ANAPC5: variants seen among roughly 807,000 people sequenced by gnomAD.
ANAPC5 encodes the protein anaphase-promoting complex subunit 5.
A neutral mutation model predicts 91.3 loss-of-function variants in ANAPC5; 60 were observed. That is an observed-to-expected ratio of 0.66 (90% CI 0.53 to 0.81). The LOEUF is 0.81. Among genes scored for constraint, ANAPC5 ranks in the 40% least tolerant of loss-of-function variants. ANAPC5 has a pLI of 0.00. For synonymous variants in ANAPC5, 340 were observed against 364.1 expected, an observed-to-expected ratio of 0.93 and a Z score of 0.75; for missense variants, 690 against 931.5, an observed-to-expected ratio of 0.74 and a Z score of 3.37.
At chr12:121,336,461 T>A (rs1376152208) in intron 6 of ANAPC5, among the ~76,000 whole-genome samples, 7 of 151,982 alleles carry the variant, frequency 4.6e-5, no homozygotes, top group Non-Finnish European at 1.0e-4. Flanking sequence ...GTGGATCACC[T>A]GAGGTCAGGA....
chr12:121,309,071 C>G (rs1025831848), intron 16 of ANAPC5, among the ~76,000 whole-genome samples: 2 of 150,026 alleles, frequency 1.3e-5, no homozygotes, highest in African/African-American at 5.0e-5. Context: ...GTCACTTGAA[C>G]CCGGGAGGCA....
chr12:121,328,812 C>A (rs767869691), intron 9 of ANAPC5: 4 of 244,430 alleles, frequency 1.6e-5, no homozygotes, highest in Non-Finnish European at 3.2e-5. Flanking sequence ...CTTAGCTAAG[C>A]CTCAGCTTCC....
chr12:121,346,431 G>A lies in ANAPC5; in HGVS notation c.398-400C>T, dbSNP rs111753112. ...AGGAAGAGAGAGAGAAATAGCTCAC[G>A]CTGAATAACATAAAAATTACCATGC... On this transcript the variant is annotated intron_variant, in intron 3 of 16. Coordinates refer to ENST00000261819, the MANE Select transcript of ANAPC5 (RefSeq NM_016237.5). 1,404 of 180,684 alleles carry A rather than the reference G, an allele frequency of 7.8e-3. 20 individuals are homozygous for A. Among genetic ancestry groups the A allele is most frequent in the African/African-American group, 0.029 (1,257 of 42,694 alleles). 11.2% of individuals were successfully genotyped at this position (180,684 alleles called of 1,614,324 possible).
chr12:121,331,472 C>T, intron 7 of ANAPC5, 44 bp from the exon 8 acceptor site: 1 of 1,509,494 alleles, frequency 6.6e-7, no homozygotes, highest in South Asian at 1.1e-5. Context: ...TAATCACAAA[C>T]ATGCATAAGC....
upstream of ANAPC5, among the ~76,000 whole-genome samples, chr12:121,354,026 T>C (rs1903998111): frequency 6.8e-6 from 1 of 147,870 alleles, no homozygotes; most frequent in Admixed American, 6.9e-5. Context: ...TCTTGCTCTG[T>C]CGCCCAGTCT....
chr12:121,308,947 G>A (rs540019117), intron 16 of ANAPC5, among the ~76,000 whole-genome samples: 2 of 151,872 alleles, frequency 1.3e-5, no homozygotes, highest in African/African-American at 2.4e-5. Context: ...TCAGGAGTTC[G>A]ACGCCAGCCT....
chr12:121,318,535 A>G lies in ANAPC5; in HGVS notation c.1711T>C (p.Cys571Arg), dbSNP rs1902463031. ...ATTTCTGTGTTCTTCAGTTTCTGAC[A>G]ATGAACCAACAATTTTTGTAAAAGC... ...HKLLQKLLVH[C>R]QKLKNTEMVI... The change falls in exon 14 of 17, where the codon TGT becomes CGT. Residue 571 changes from cysteine (C) to arginine (R), a missense_variant. By Grantham distance (180) the Cys-to-Arg change is radical (BLOSUM62 -3). Coordinates refer to ENST00000261819, the MANE Select transcript of ANAPC5 (RefSeq NM_016237.5). The G allele has an allele frequency of 1.2e-6, 2 of 1,614,086 alleles. No individual in the cohort carries two copies. The highest frequency in any genetic ancestry group is 1.7e-6 in the Non-Finnish European group (2 of 1,180,038).
At chr12:121,329,361 T>C (rs1464131142) in intron 9 of ANAPC5, among the ~76,000 whole-genome samples, 1 of 151,898 alleles carries the variant, frequency 6.6e-6, no homozygotes, top group Non-Finnish European at 1.5e-5. Flanking sequence ...ACCATAACGG[T>C]CAGGCTGGTC....
At chr12:121,325,586 G>T (rs956773506) in intron 11 of ANAPC5, among the ~76,000 whole-genome samples, 1 of 151,976 alleles carries the variant, frequency 6.6e-6, no homozygotes, top group Non-Finnish European at 1.5e-5. Flanking sequence ...AAATAATTTC[G>T]CCAGGCATGG....
At chr12:121,337,842 G>A (rs1555273673) in intron 5 of ANAPC5, among the ~76,000 whole-genome samples, 1 of 151,998 alleles carries the variant, frequency 6.6e-6, no homozygotes, top group Non-Finnish European at 1.5e-5. Context: ...CCCCACCCCA[G>A]ACTGTAAGCT....
intron 7 of ANAPC5, chr12:121,334,048 G>A (rs1004007573): frequency 2.0e-5 from 3 of 152,182 alleles, no homozygotes; most frequent in African/African-American, 7.2e-5. Flanking sequence ...GGCCAAGGTG[G>A]GAGGATTGCT....
At chr12:121,330,547 T>C (rs1903005416) in intron 9 of ANAPC5, 36 bp downstream of exon 9, 2 of 1,577,714 alleles carry the variant, frequency 1.3e-6, no homozygotes, top group Admixed American at 1.7e-5. Flanking sequence ...GGCTCGACCA[T>C]TTATGGAAAC....
rs190340300 is a variant in ANAPC5 at position 121,335,758 on chromosome 12, T to C, written c.760-35A>G. On this transcript the variant is annotated intron_variant, in intron 6 of 16. Coordinates refer to ENST00000261819, the MANE Select transcript of ANAPC5 (RefSeq NM_016237.5). ...GAAATAATCAATGTATTTTAAACGC[T>C]GTAAATATCTCTGGTGTAAGACAAC... is the stretch of plus-strand genomic sequence containing the variant. 1.5e-4 allele frequency: 227 copies of C among 1,547,396 alleles called. No individual in the cohort carries two copies. The African/African-American group carries it at 2.9e-3, about 20-fold the overall frequency.
intron 3 of ANAPC5, chr12:121,346,309 T>G (rs1367886999): frequency 6.8e-6 from 2 of 292,844 alleles, no homozygotes; most frequent in Non-Finnish European, 1.3e-5. Context: ...GAAATGATAT[T>G]TATGTGTTTA....
At chr12:121,351,204 C>A (rs1429535954) in intron 1 of ANAPC5, 1 of 372,544 alleles carries the variant, frequency 2.7e-6, no homozygotes, top group African/African-American at 2.2e-5. Flanking sequence ...AATCCCGTCT[C>A]TACAAAAAAT....
At chr12:121,310,126 C>T in intron 15 of ANAPC5, 1 of 260,372 alleles carries the variant, frequency 3.8e-6, no homozygotes, top group Non-Finnish European at 7.2e-6. Flanking sequence ...GCATTAATAT[C>T]CTTTAGCTTG....
intron 15 of ANAPC5, among the ~76,000 whole-genome samples, chr12:121,316,509 G>A (rs1022598612): frequency 1.3e-5 from 2 of 151,952 alleles, no homozygotes; most frequent in African/African-American, 4.8e-5. Context: ...CGAGGTGGGC[G>A]GATCACGAGG....
intron 7 of ANAPC5, 148 bp from the exon 8 acceptor site, chr12:121,331,576 G>A (rs1440715351): frequency 1.9e-5 from 10 of 530,792 alleles, no homozygotes; most frequent in African/African-American, 7.4e-5. Context: ...TCTCAGAGGC[G>A]TGCCCCAACC....
chr12:121,346,149 G>T lies in ANAPC5; in HGVS notation c.398-118C>A, dbSNP rs1301697265. ...ATTCTTCCTTCAGAAGAGTAAGAAA[G>T]AGACACTTGCAGTTGCCATTCCCTC... On this transcript the variant is annotated intron_variant, in intron 3 of 16. Coordinates refer to ENST00000261819, the MANE Select transcript of ANAPC5 (RefSeq NM_016237.5). 3.7e-6 allele frequency: 3 copies of T among 813,500 alleles called. No homozygotes were observed. In the Admixed American group the frequency reaches 9.0e-5, roughly 24 times the overall value. 50.4% of individuals were successfully genotyped at this position (813,500 alleles called of 1,614,324 possible).
Sources: allele counts gnomAD v4.1 joint callset (sites outside exome capture counted in the v4.1 genomes callset), GRCh38; gene constraint gnomAD v4.1.1; transcripts MANE v1.5; gene names NCBI Gene and HGNC (gene_info 2026-07-23, HGNC 2026-07-21).